The following NBAS variants were observed in gnomAD, a reference collection of about 807,000 sequenced individuals.
NBAS encodes NBAS subunit of NRZ tethering complex.
In NBAS, 219 loss-of-function variants were observed where a neutral mutation model predicts 302.5. The ratio of observed to expected loss-of-function variants is 0.72; its 90% CI spans 0.65 to 0.81. The LOEUF (loss-of-function observed/expected upper bound fraction) is 0.81, where lower values mean the gene tolerates loss of function less well. Ranked by LOEUF, NBAS falls within the 30% of genes least tolerant of loss-of-function variation. The probability of loss-of-function intolerance (pLI) is 0.00; values close to 1 mark genes in which losing one functional copy is unlikely to be tolerated. For missense variants in NBAS, 2,932 were observed against 2,841.6 expected (o/e 1.03, Z -0.72); for synonymous variants, 1,118 against 1,021.6 (o/e 1.09, Z -1.80).
At chr2:15,124,211 T>C in the NBAS span, among the ~76,000 whole-genome samples, 1 of 152,282 alleles carries the variant, frequency 6.6e-6, no homozygotes, top group African/African-American at 2.4e-5. Context: ...TGACTTATGG[T>C]ACCCAGTGGA....
chr2:14,903,533 T>C, the NBAS span, among the ~76,000 whole-genome samples: 2 of 152,184 alleles, frequency 1.3e-5, no homozygotes, highest in African/African-American at 2.4e-5. Context: ...AAGGAGTACC[T>C]GTCATTGGCC....
At chr2:14,831,114 T>C in the NBAS span, among the ~76,000 whole-genome samples, 3 of 152,186 alleles carry the variant, frequency 2.0e-5, no homozygotes, top group Non-Finnish European at 4.4e-5. Flanking sequence ...TGGGGAAAAC[T>C]ACCAAAATAA....
At chr2:15,211,794 C>G (rs1666424033) in intron 48 of NBAS, among the ~76,000 whole-genome samples, 1 of 152,174 alleles carries the variant, frequency 6.6e-6, no homozygotes, top group African/African-American at 2.4e-5. Flanking sequence ...CCAGTGACAT[C>G]TGCTAAACTC....
intron 44 of NBAS, among the ~76,000 whole-genome samples, chr2:15,264,673 G>A (rs1365570274): frequency 2.0e-5 from 3 of 152,144 alleles, no homozygotes; most frequent in African/African-American, 7.2e-5. Context: ...GTCAATTCTA[G>A]CTCATAAAAC....
chr2:14,904,401 C>T, the NBAS span, among the ~76,000 whole-genome samples: 2 of 152,152 alleles, frequency 1.3e-5, no homozygotes, highest in African/African-American at 2.4e-5. Context: ...AGTCCAAAGG[C>T]GGAAGAACCT....
At chr2:14,800,744 T>C in the NBAS span, among the ~76,000 whole-genome samples, 1 of 152,170 alleles carries the variant, frequency 6.6e-6, no homozygotes, top group East Asian at 1.9e-4. Flanking sequence ...TACATTGTAA[T>C]TATTTTCACT....
intron 35 of NBAS, among the ~76,000 whole-genome samples, chr2:15,350,708 G>C (rs927900554): frequency 1.6e-4 from 24 of 152,228 alleles, no homozygotes; most frequent in African/African-American, 5.8e-4. Context: ...ATAAGCAAGA[G>C]AATCGAACAA....
At chr2:15,352,647 G>C (rs1673419955) in intron 34 of NBAS, among the ~76,000 whole-genome samples, 1 of 152,114 alleles carries the variant, frequency 6.6e-6, no homozygotes, top group East Asian at 1.9e-4. Context: ...GGTGATGGGA[G>C]GGGAGCGTGC....
At chr2:15,439,065 G>A (rs930889688) in intron 21 of NBAS, among the ~76,000 whole-genome samples, 12 of 152,116 alleles carry the variant, frequency 7.9e-5, no homozygotes, top group African/African-American at 2.9e-4. Flanking sequence ...GGAGGCCGAG[G>A]CAGGCGGACC....
At chr2:15,249,864 G>A (rs771289538) in intron 44 of NBAS, among the ~76,000 whole-genome samples, 5 of 151,998 alleles carry the variant, frequency 3.3e-5, no homozygotes, top group Non-Finnish European at 5.9e-5. Context: ...AATCAATATC[G>A]TGAAAATGGC....
the NBAS span, among the ~76,000 whole-genome samples, chr2:15,105,464 A>G: frequency 6.6e-6 from 1 of 151,838 alleles, no homozygotes; most frequent in East Asian, 1.9e-4. Flanking sequence ...ACTTACAAAA[A>G]AAAAAAGAAA....
At chr2:14,784,332 T>C in the NBAS span, among the ~76,000 whole-genome samples, 1 of 152,212 alleles carries the variant, frequency 6.6e-6, no homozygotes, top group African/African-American at 2.4e-5. Flanking sequence ...TTAGATCCCA[T>C]TTGTCAATCT....
chr2:14,787,256 G>C, the NBAS span, among the ~76,000 whole-genome samples: 2 of 152,090 alleles, frequency 1.3e-5, no homozygotes, highest in Non-Finnish European at 2.9e-5. Context: ...GCACACTGAT[G>C]GGTCTTGACT....
chr2:14,954,471 C>A, the NBAS span, among the ~76,000 whole-genome samples: 1 of 152,152 alleles, frequency 6.6e-6, no homozygotes, highest in Non-Finnish European at 1.5e-5. Context: ...ATGTTTCTTT[C>A]TCTGGAAGCA....
At chr2:14,834,817 C>T in the NBAS span, among the ~76,000 whole-genome samples, 1 of 151,936 alleles carries the variant, frequency 6.6e-6, no homozygotes, top group Non-Finnish European at 1.5e-5. Context: ...TGACATAAGT[C>T]AGTACAAGCT....
the NBAS span, among the ~76,000 whole-genome samples, chr2:14,942,701 C>T: frequency 6.6e-6 from 1 of 152,226 alleles, no homozygotes; most frequent in Admixed American, 6.5e-5. Flanking sequence ...AAAGCCTAAA[C>T]CCCCTATTGA....
At chr2:15,098,246 T>TGTATAC in the NBAS span, among the ~76,000 whole-genome samples, 3 of 34,038 alleles carry the variant, frequency 8.8e-5, no homozygotes, top group Non-Finnish European at 1.4e-4. Context: ...ATATAATATA[T>TGTATAC]TATATGTATA....
the NBAS span, among the ~76,000 whole-genome samples, chr2:14,997,027 T>A: frequency 6.6e-6 from 1 of 152,094 alleles, no homozygotes; most frequent in South Asian, 2.1e-4. Context: ...GACCCTATAA[T>A]AGCAATTTTA....
At chr2:14,873,992 G>A in the NBAS span, among the ~76,000 whole-genome samples, 1 of 151,802 alleles carries the variant, frequency 6.6e-6, no homozygotes, top group East Asian at 1.9e-4. Context: ...AATAAAAATA[G>A]ACAAAGTCAA....
Sources: allele counts gnomAD v4.1 joint callset (sites outside exome capture counted in the v4.1 genomes callset), GRCh38; gene constraint gnomAD v4.1.1; transcripts MANE v1.5; gene names NCBI Gene and HGNC (gene_info 2026-07-23, HGNC 2026-07-21).